The following SRBD1 variants were observed in gnomAD, a reference collection of about 807,000 sequenced individuals.
SRBD1 encodes S1 RNA-binding domain-containing protein 1.
SRBD1 carries 88 observed loss-of-function variants against 115.3 expected under a neutral mutation model. The ratio of observed to expected loss-of-function variants is 0.76; its 90% CI spans 0.64 to 0.91. The LOEUF is 0.91. Ranked by LOEUF, SRBD1 falls within the 40% of genes least tolerant of loss-of-function variation. The pLI is 0.00. For synonymous variants in SRBD1, 509 were observed against 407.7 expected, an observed-to-expected ratio of 1.25 and a Z score of -2.99; for missense variants, 1,385 against 1,177.4, an observed-to-expected ratio of 1.18 and a Z score of -2.58.
chr2:45,446,836 T>G (rs1485798250), intron 16 of SRBD1, among the ~76,000 whole-genome samples: 2 of 152,066 alleles, frequency 1.3e-5, no homozygotes. Context: ...GGCAAAAGAA[T>G]GGATGCAAAG....
At chr2:45,459,924 T>C (rs1345132299) in intron 16 of SRBD1, among the ~76,000 whole-genome samples, 2 of 152,116 alleles carry the variant, frequency 1.3e-5, no homozygotes, top group Non-Finnish European at 2.9e-5. Context: ...ATGTAAGATC[T>C]TTATCTCTCA....
chr2:45,514,824 T>A lies in SRBD1; in HGVS notation c.1875-26493A>T, dbSNP rs1671072097. 2.0e-5 allele frequency among the ~76,000 whole-genome samples: 3 copies of A among 152,196 alleles called. 1 individual carries two copies. Among genetic ancestry groups the A allele is most frequent in the Admixed American group, 2.0e-4 (3 of 15,280 alleles). On this transcript the variant is annotated intron_variant, in intron 14 of 20. Transcript: ENST00000263736. ...TTCCAATTTGCACTTAAACCACTTT[T>A]AAAATTACTAACAACTTCCTTATAC... is the stretch of plus-strand genomic sequence containing the variant.
chr2:45,579,058 A>G (rs2104172257), intron 7 of SRBD1, among the ~76,000 whole-genome samples: 1 of 152,244 alleles, frequency 6.6e-6, no homozygotes, highest in South Asian at 2.1e-4. Context: ...CAATTTCCCC[A>G]CTCAATCCTA....
intron 16 of SRBD1, among the ~76,000 whole-genome samples, chr2:45,431,126 A>C (rs896201497): frequency 9.2e-5 from 14 of 152,254 alleles, no homozygotes; most frequent in Non-Finnish European, 4.4e-5. Flanking sequence ...ATCATTAAAA[A>C]GTCAGGAAAC....
At chr2:45,397,216 C>A (rs1440788391) in intron 19 of SRBD1, among the ~76,000 whole-genome samples, 1 of 152,058 alleles carries the variant, frequency 6.6e-6, no homozygotes, top group Non-Finnish European at 1.5e-5. Context: ...GAAAATCTGG[C>A]CTTCTAAAAA....
At chr2:45,398,802 CCA>C (rs1313561135) in intron 19 of SRBD1, among the ~76,000 whole-genome samples, 1 of 152,050 alleles carries the variant, frequency 6.6e-6, no homozygotes, top group Non-Finnish European at 1.5e-5. Flanking sequence ...CCATACACAA[CCA>C]CAGTGATTAT....
intron 14 of SRBD1, chr2:45,546,361 C>T (rs1383043536): frequency 2.5e-5 from 25 of 985,244 alleles, no homozygotes; most frequent in Non-Finnish European, 2.9e-5. Flanking sequence ...GGCTTCAAAG[C>T]TTTGGGAGAA....
chr2:45,488,417 GA>G (rs67396287), intron 14 of SRBD1, 86 bp from the exon 15 acceptor site: 13,704 of 804,128 alleles, frequency 0.017, no homozygotes, highest in South Asian at 0.025. Flanking sequence ...GGCATTACCA[GA>G]AAAAAAAAAA....
At chr2:45,596,990 ACAC>A (rs1558503260) in intron 4 of SRBD1, among the ~76,000 whole-genome samples, 6,436 of 101,226 alleles carry the variant, frequency 0.064, 435 homozygotes, top group African/African-American at 0.16. Context: ...CACAACCCTC[ACAC>A]ACACACACAC....
chr2:45,448,921 C>A (rs1249235245), intron 16 of SRBD1, among the ~76,000 whole-genome samples: 1 of 152,154 alleles, frequency 6.6e-6, no homozygotes, highest in African/African-American at 2.4e-5. Flanking sequence ...TCACCTGGGG[C>A]AACTCATCTT....
At chr2:45,603,124 C>T (rs1226732858) in intron 2 of SRBD1, among the ~76,000 whole-genome samples, 1 of 152,180 alleles carries the variant, frequency 6.6e-6, no homozygotes, top group Non-Finnish European at 1.5e-5. Flanking sequence ...AGGATGACTT[C>T]TTCCCTCCTT....
At chr2:45,553,070 AAG>A (rs1350028870) in intron 11 of SRBD1, among the ~76,000 whole-genome samples, 7 of 152,198 alleles carry the variant, frequency 4.6e-5, no homozygotes, top group African/African-American at 1.7e-4. Flanking sequence ...ACAGAGAAGC[AAG>A]AGAGAGGAGT....
chr2:45,546,759 T>C lies in SRBD1; in HGVS notation c.1847A>G (p.Tyr616Cys), dbSNP rs753241241. Residue 616 changes from tyrosine (Y) to cysteine (C), a missense_variant, in exon 14 of 21, where the codon TAT becomes TGT. Tyr to Cys is a radical substitution (Grantham distance 194). Transcript: ENST00000263736. ...AYFADLIMKN[Y>C]FAPLDVVYCI... ...GTAAACAACATCCAGTGGTGCAAAA[T>C]AATTCTTCATTATCAGGTCAGCAAA... The C allele has an allele frequency of 4.3e-6, 7 of 1,614,094 alleles. No homozygotes were observed. In the Admixed American group the frequency reaches 8.3e-5, roughly 19 times the overall value.
intron 14 of SRBD1, among the ~76,000 whole-genome samples, chr2:45,530,777 T>A (rs1431589926): frequency 1.3e-5 from 2 of 151,954 alleles, no homozygotes; most frequent in Non-Finnish European, 2.9e-5. Flanking sequence ...CTGAACCATA[T>A]ATGGTATATG....
intron 9 of SRBD1, chr2:45,569,290 C>G (rs995682887): frequency 6.6e-6 from 1 of 152,250 alleles, no homozygotes; most frequent in Non-Finnish European, 1.5e-5. Flanking sequence ...TGACCTGCTC[C>G]TTTTCTGACC....
At chr2:45,517,962 C>T (rs1334404655) in intron 14 of SRBD1, among the ~76,000 whole-genome samples, 3 of 152,172 alleles carry the variant, frequency 2.0e-5, no homozygotes, top group African/African-American at 7.2e-5. Context: ...AACTGCACCA[C>T]TGCACTGCAG....
intron 16 of SRBD1, among the ~76,000 whole-genome samples, chr2:45,474,382 T>A (rs139921973): frequency 1.2e-3 from 179 of 152,328 alleles, no homozygotes; most frequent in African/African-American, 4.1e-3. Flanking sequence ...CCGGTGATAA[T>A]GTGGGAAATG....
At chr2:45,417,032 G>C (rs1173594188) in intron 18 of SRBD1, among the ~76,000 whole-genome samples, 1 of 152,132 alleles carries the variant, frequency 6.6e-6, no homozygotes, top group African/African-American at 2.4e-5. Flanking sequence ...ACGGCTCCTG[G>C]CCTATGCTGT....
chr2:45,477,969 T>TC (rs1669853620), intron 15 of SRBD1, among the ~76,000 whole-genome samples: 3 of 151,806 alleles, frequency 2.0e-5, no homozygotes, highest in African/African-American at 7.2e-5. Context: ...TATTGTCCTT[T>TC]TTTTTTTTAC....
Sources: gnomAD v4.1 joint callset for allele counts (sites outside exome capture counted in the v4.1 genomes callset) on GRCh38, gnomAD v4.1.1 for gene constraint, MANE v1.5 for transcripts, NCBI Gene and HGNC (gene_info 2026-07-23, HGNC 2026-07-21) for gene names.